Variants in RASAL2 observed in about 807,000 individuals in gnomAD.
RASAL2 encodes the protein RAS protein activator like 2, also known as ras GTPase-activating protein nGAP.
A neutral mutation model predicts 128.9 loss-of-function variants in RASAL2; 58 were observed. That is an observed-to-expected ratio of 0.45 (90% confidence interval 0.36 to 0.56). RASAL2 has a LOEUF of 0.56. RASAL2 is among the 20% of genes least tolerant of loss of function. RASAL2 has a pLI of 0.00. For synonymous variants in RASAL2, 561 were observed against 580.8 expected, an observed-to-expected ratio of 0.97 and a Z score of 0.49; for missense variants, 1,360 against 1,601.6, an observed-to-expected ratio of 0.85 and a Z score of 2.57.
chr1:178,312,481 T>C (rs922913931), intron 3 of RASAL2, among the ~76,000 whole-genome samples: 6 of 152,196 alleles, frequency 3.9e-5, no homozygotes, highest in Non-Finnish European at 7.3e-5. Flanking sequence ...AAAGACATTT[T>C]CAGACATGCA....
chr1:178,263,045 G>A (rs951228616), intron 1 of RASAL2, among the ~76,000 whole-genome samples: 2 of 152,100 alleles, frequency 1.3e-5, no homozygotes, highest in Admixed American at 6.6e-5. Flanking sequence ...GTATCAGATG[G>A]AAATATGTTT....
chr1:178,357,923 T>TATTGAAGTA (rs1670895049), intron 3 of RASAL2, among the ~76,000 whole-genome samples: 3 of 151,918 alleles, frequency 2.0e-5, no homozygotes, highest in Non-Finnish European at 1.5e-5. Context: ...TTCAGTCTCT[T>TATTGAAGTA]ATTGAAGTAT....
intron 17 of RASAL2, among the ~76,000 whole-genome samples, chr1:178,468,821 TAAG>T (rs1647987814): frequency 6.6e-6 from 1 of 152,058 alleles, no homozygotes. Context: ...CCCAGAGACT[TAAG>T]AAAAACAGCC....
At chr1:178,323,314 G>C (rs1443161174) in intron 3 of RASAL2, among the ~76,000 whole-genome samples, 1 of 152,160 alleles carries the variant, frequency 6.6e-6, no homozygotes, top group Non-Finnish European at 1.5e-5. Context: ...TGATTGTTGA[G>C]CAAATGACTG....
At chr1:178,234,681 G>A (rs1664155256) in intron 1 of RASAL2, among the ~76,000 whole-genome samples, 1 of 152,002 alleles carries the variant, frequency 6.6e-6, no homozygotes, top group Admixed American at 6.6e-5. Context: ...CCTTAGCACT[G>A]GAAGCTTGGT....
intron 1 of RASAL2, among the ~76,000 whole-genome samples, chr1:178,122,538 T>C (rs910268582): frequency 6.6e-6 from 1 of 152,194 alleles, no homozygotes; most frequent in Non-Finnish European, 1.5e-5. Flanking sequence ...TTTATCTATT[T>C]GCATCCTAGA....
rs143735545 is a variant in RASAL2 at position 178,417,314 on chromosome 1, T to A, written c.565-3197T>A. On this transcript the variant is annotated intron_variant, in intron 4 of 17. Transcript: ENST00000367649. ...CCTGTGCATAAATTTATATTTAGTA[T>A]CTAAAGTCTGTATTAAATGGCAAGT... 8.3e-4 allele frequency among the ~76,000 whole-genome samples: 126 copies of A among 152,308 alleles called. 1 individual carries two copies. The highest frequency in any genetic ancestry group is 2.9e-3 in the African/African-American group (119 of 41,572).
chr1:178,447,396 G>A (rs543192001), intron 9 of RASAL2, among the ~76,000 whole-genome samples: 1 of 152,070 alleles, frequency 6.6e-6, no homozygotes, highest in East Asian at 1.9e-4. Context: ...ATTGTAGGCT[G>A]GGCGCGGTGG....
At chr1:178,403,755 G>A (rs1673797938) in intron 4 of RASAL2, among the ~76,000 whole-genome samples, 1 of 152,058 alleles carries the variant, frequency 6.6e-6, no homozygotes, top group African/African-American at 2.4e-5. Context: ...TAACCTTAAT[G>A]CAGGGAAAAA....
chr1:178,311,904 A>T (rs1025014703), intron 3 of RASAL2, among the ~76,000 whole-genome samples: 1 of 152,114 alleles, frequency 6.6e-6, no homozygotes, highest in African/African-American at 2.4e-5. Context: ...AGAAAACTTT[A>T]AAAAAATGAT....
chr1:178,173,226 G>A (rs948737556), intron 1 of RASAL2, among the ~76,000 whole-genome samples: 1 of 152,024 alleles, frequency 6.6e-6, no homozygotes, highest in Non-Finnish European at 1.5e-5. Context: ...ACCTACGGGG[G>A]TGCATAGCCC....
chr1:178,425,524 G>C (rs1198627006), intron 5 of RASAL2, among the ~76,000 whole-genome samples: 1 of 152,038 alleles, frequency 6.6e-6, no homozygotes, highest in South Asian at 2.1e-4. Flanking sequence ...TTAGGATTCA[G>C]TTTAGTTGCC....
At chr1:178,241,759 T>C (rs1314615260) in intron 1 of RASAL2, among the ~76,000 whole-genome samples, 1 of 152,232 alleles carries the variant, frequency 6.6e-6, no homozygotes, top group East Asian at 1.9e-4. Context: ...ACTCTTCATT[T>C]GGCTGTTAAA....
chr1:178,455,161 A>T (rs945727919), intron 12 of RASAL2, among the ~76,000 whole-genome samples: 3 of 152,180 alleles, frequency 2.0e-5, no homozygotes, highest in African/African-American at 7.2e-5. Flanking sequence ...TGAATTAAGA[A>T]TACAGAAAGC....
At position 178,472,971 on chromosome 1, in the gene RASAL2, T is replaced by C. The variant is rs183459648; in HGVS notation, c.3679-104T>C. On this transcript the variant is annotated intron_variant, in intron 17 of 17. Coordinates refer to ENST00000367649, the MANE Select transcript of RASAL2 (RefSeq NM_170692.4). ...CGTTCCATTTGTCTGGGAAGCACCA[T>C]GCATACAACTGTTTGAGAGAAAGCA... 5,213 of 1,318,296 alleles carry C rather than the reference T, an allele frequency of 4.0e-3. 16 individuals are homozygous for C. The highest frequency in any genetic ancestry group is 9.1e-3 in the Middle Eastern group (48 of 5,298). 81.7% of individuals were successfully genotyped at this position (1,318,296 alleles called of 1,614,324 possible).
chr1:178,167,733 CT>C (rs939010852), intron 1 of RASAL2, among the ~76,000 whole-genome samples: 4 of 151,128 alleles, frequency 2.6e-5, no homozygotes, highest in Admixed American at 1.3e-4. Flanking sequence ...TTCTTTCTTC[CT>C]TTTTTTTTAA....
intron 1 of RASAL2, among the ~76,000 whole-genome samples, chr1:178,148,988 C>A (rs1660821134): frequency 6.6e-6 from 1 of 152,182 alleles, no homozygotes; most frequent in South Asian, 2.1e-4. Flanking sequence ...CATTCTCTCT[C>A]TTTCTTCCTC....
intron 3 of RASAL2, chr1:178,372,064 T>C (rs1021733984): frequency 3.0e-6 from 2 of 671,198 alleles, no homozygotes; most frequent in African/African-American, 2.0e-5. Context: ...TTGTATTAGA[T>C]TGATGTCACA....
intron 1 of RASAL2, among the ~76,000 whole-genome samples, chr1:178,179,114 T>C (rs909967873): frequency 4.6e-5 from 7 of 152,214 alleles, no homozygotes; most frequent in Non-Finnish European, 8.8e-5. Flanking sequence ...AAGCTGATGA[T>C]GTGTTGGTGA....
Sources: gnomAD v4.1 joint callset for allele counts (sites outside exome capture counted in the v4.1 genomes callset) on GRCh38, gnomAD v4.1.1 for gene constraint, MANE v1.5 for transcripts, NCBI Gene and HGNC (gene_info 2026-07-23, HGNC 2026-07-21) for gene names.